Variants in GRIA3 observed in about 807,000 individuals in gnomAD.
GRIA3 encodes the protein glutamate receptor 3.
In GRIA3, 3 loss-of-function variants were observed where a neutral mutation model predicts 63.0. The observed-to-expected ratio is 0.05, with a 90% CI of 0.02 to 0.12. The LOEUF (loss-of-function observed/expected upper bound fraction) is 0.12. GRIA3 is among the 10% of genes least tolerant of loss of function. The pLI is 1.00. For synonymous variants in GRIA3, 274 were observed against 257.9 expected (o/e 1.06, Z -0.60); for missense variants, 347 against 700.9 (o/e 0.50, Z 5.70).
intron 10 of GRIA3, among the ~76,000 whole-genome samples, chrX:123,409,855 A>C (rs2045496032): frequency 9.0e-6 from 1 of 111,404 alleles, no homozygotes. Context: ...GATTGGACAA[A>C]GTCACAAAAT....
chrX:123,312,207 C>T (rs964070267), intron 3 of GRIA3, among the ~76,000 whole-genome samples: 1 of 111,636 alleles, frequency 9.0e-6, no homozygotes, highest in Non-Finnish European at 1.9e-5. Context: ...TACAAGAAAA[C>T]CACAAATCTC....
chrX:123,458,130 A>C (rs974091928), intron 12 of GRIA3, among the ~76,000 whole-genome samples: 1 of 109,942 alleles, frequency 9.1e-6, no homozygotes, highest in South Asian at 4.1e-4. Context: ...CAAAGAGAAA[A>C]ATTAGGACCA....
Position 123,403,011 on chromosome X carries a change from G to T in GRIA3, c.1098G>T (p.Met366Ile). Residue 366 changes from methionine to isoleucine, a missense_variant, in exon 8 of 16, where the codon ATG becomes ATT. Physicochemically the swap from Met to Ile is conservative, Grantham distance 10 (BLOSUM62 1). This residue lies in a region of GRIA3 where 65 missense variants were observed against 145.8 expected (regional missense o/e 0.45). Transcript: ENST00000620443. ...TCTACCAGGTGCAAGTACAAGGAAT[G>T]ACTGGAAATATTCAATTTGACACTT... ...RALKMVQVQG[M>I]TGNIQFDTYG... The T allele has an allele frequency of 8.7e-7, 1 of 1,151,085 alleles. No individual in the cohort carries two copies. Among genetic ancestry groups the T allele is most frequent in the South Asian group, 1.8e-5 (1 of 55,556 alleles). 94.9% of individuals were successfully genotyped at this position (1,151,085 alleles called of 1,213,427 possible). A position where few individuals can be genotyped will look rare whatever the true frequency, so the allele number is the denominator to read the frequency against.
chrX:123,485,056 C>T (rs1229770993), intron 15 of GRIA3, among the ~76,000 whole-genome samples: 2 of 112,386 alleles, frequency 1.8e-5, no homozygotes, highest in African/African-American at 3.2e-5. Context: ...TTTAATGTTT[C>T]AATGTGCTTA....
At chrX:123,247,056 C>T (rs768820049) in intron 2 of GRIA3, among the ~76,000 whole-genome samples, 118 of 111,453 alleles carry the variant, frequency 1.1e-3, no homozygotes, top group Non-Finnish European at 2.0e-3. Context: ...TTTCTTTGAT[C>T]CACTGGACTT....
intron 3 of GRIA3, among the ~76,000 whole-genome samples, chrX:123,325,101 A>G (rs188267739): frequency 8.9e-6 from 1 of 112,314 alleles, no homozygotes; most frequent in African/African-American, 3.2e-5. Context: ...CAATAAAATT[A>G]TATCTATAGT....
chrX:123,289,693 G>A (rs2044643959), intron 3 of GRIA3, among the ~76,000 whole-genome samples: 1 of 109,549 alleles, frequency 9.1e-6, no homozygotes, highest in South Asian at 3.9e-4. Context: ...GCGTCTTCAT[G>A]TCCCTTGAGA....
intron 3 of GRIA3, among the ~76,000 whole-genome samples, chrX:123,317,193 A>G (rs2044837226): frequency 9.0e-6 from 1 of 110,588 alleles, no homozygotes; most frequent in Admixed American, 9.6e-5. Context: ...GATCTAATTA[A>G]CTCCCCTGGG....
chrX:123,340,105 A>G (rs1165783739), intron 4 of GRIA3, among the ~76,000 whole-genome samples: 1 of 111,984 alleles, frequency 8.9e-6, no homozygotes, highest in Admixed American at 9.5e-5. Context: ...ACCCAAGACT[A>G]TGCCATTACA....
At chrX:123,408,691 A>C (rs2045489065) in intron 10 of GRIA3, among the ~76,000 whole-genome samples, 1 of 112,061 alleles carries the variant, frequency 8.9e-6, no homozygotes, top group African/African-American at 3.2e-5. Flanking sequence ...TTTCTACTAA[A>C]GACAAAAGCA....
chrX:123,292,418 C>T lies in GRIA3; in HGVS notation c.509-33608C>T, dbSNP rs142592229. 1.4e-3 allele frequency among the ~76,000 whole-genome samples: 154 copies of T among 110,974 alleles called. 1 individual carries two copies. The highest frequency in any genetic ancestry group is 4.5e-3 in the African/African-American group (137 of 30,542). ...CTCCACACCTTTATTTCCACACAGT[C>T]TCCAATCTCATCCTACTTGCTGACT... On this transcript the variant is annotated intron_variant, in intron 3 of 15. Coordinates refer to ENST00000620443, the MANE Select transcript of GRIA3 (RefSeq NM_007325.5).
intron 2 of GRIA3, among the ~76,000 whole-genome samples, chrX:123,241,025 T>C (rs2044326682): frequency 8.9e-6 from 1 of 111,824 alleles, no homozygotes; most frequent in Non-Finnish European, 1.9e-5. Context: ...ATTTGGAGCA[T>C]ACTGAAGAAC....
At chrX:123,381,782 C>A (rs1008656979) in intron 5 of GRIA3, among the ~76,000 whole-genome samples, 3 of 111,989 alleles carry the variant, frequency 2.7e-5, no homozygotes, top group Non-Finnish European at 5.6e-5. Context: ...AAGGAAAAGT[C>A]TTTATAATAA....
chrX:123,269,790 C>T (rs756610339), intron 3 of GRIA3, among the ~76,000 whole-genome samples: 2 of 111,918 alleles, frequency 1.8e-5, no homozygotes, highest in South Asian at 3.8e-4. Flanking sequence ...TAAGGTTAGG[C>T]CCATTGCTGC....
chrX:123,484,676 T>C (rs767470992), intron 15 of GRIA3, among the ~76,000 whole-genome samples: 18 of 111,022 alleles, frequency 1.6e-4, no homozygotes, highest in Non-Finnish European at 2.5e-4. Context: ...AGAGACAGAG[T>C]TTCACCATGT....
At chrX:123,393,966 C>T (rs1044667074) in intron 5 of GRIA3, among the ~76,000 whole-genome samples, 3 of 112,176 alleles carry the variant, frequency 2.7e-5, no homozygotes, top group Non-Finnish European at 5.6e-5. Flanking sequence ...TGGCAGAGCT[C>T]ACATGGAGAT....
At chrX:123,329,928 C>T (rs770280163) in intron 4 of GRIA3, among the ~76,000 whole-genome samples, 4 of 111,701 alleles carry the variant, frequency 3.6e-5, no homozygotes, top group Non-Finnish European at 5.7e-5. Context: ...TAATATATAC[C>T]TTATGGCTTT....
At chrX:123,386,426 T>C (rs914030406) in intron 5 of GRIA3, among the ~76,000 whole-genome samples, 3 of 111,975 alleles carry the variant, frequency 2.7e-5, no homozygotes, top group Non-Finnish European at 3.8e-5. Flanking sequence ...ACTCTGTTGA[T>C]TGTTTCCTTT....
intron 5 of GRIA3, among the ~76,000 whole-genome samples, chrX:123,391,512 G>A (rs953623235): frequency 3.6e-5 from 4 of 111,427 alleles, no homozygotes; most frequent in Non-Finnish European, 7.5e-5. Flanking sequence ...CATCAGATGG[G>A]CCAGTTCTTG....
Sources: gnomAD v4.1 joint callset for allele counts (sites outside exome capture counted in the v4.1 genomes callset) on GRCh38, gnomAD v4.1.1 for gene constraint, gnomAD v4.1.1 regional missense constraint, MANE v1.5 for transcripts, NCBI Gene and HGNC (gene_info 2026-07-23, HGNC 2026-07-21) for gene names.